CDH18: variants seen among roughly 807,000 people sequenced by gnomAD.
CDH18 encodes the protein cadherin-18.
In CDH18, 31 loss-of-function variants were observed where a neutral mutation model predicts 67.9. The observed-to-expected ratio is 0.46, with a 90% CI of 0.34 to 0.62. The LOEUF (loss-of-function observed/expected upper bound fraction) is 0.62. Ranked by LOEUF, CDH18 falls within the 20% of genes least tolerant of loss-of-function variation. The pLI, the probability that CDH18 is intolerant of heterozygous loss-of-function variation, is 0.01. For synonymous variants in CDH18, 362 were observed against 347.2 expected (o/e 1.04, Z -0.48); for missense variants, 890 against 975.5 (o/e 0.91, Z 1.17).
intron 1 of CDH18, among the ~76,000 whole-genome samples, chr5:20,358,267 C>T (rs2150067676): frequency 6.6e-6 from 1 of 152,206 alleles, no homozygotes; most frequent in East Asian, 1.9e-4. Flanking sequence ...AAAATATAAC[C>T]ATGTAACAAA....
intron 5 of CDH18, among the ~76,000 whole-genome samples, chr5:19,707,880 TC>T (rs1162964527): frequency 6.6e-6 from 1 of 152,208 alleles, no homozygotes; most frequent in Non-Finnish European, 1.5e-5. Flanking sequence ...TACTGAATAG[TC>T]CCCTAAGGGG....
chr5:19,483,002 T>C (rs1422803744), intron 12 of CDH18, among the ~76,000 whole-genome samples: 3 of 152,138 alleles, frequency 2.0e-5, no homozygotes, highest in Non-Finnish European at 4.4e-5. Flanking sequence ...GCCAAAAATT[T>C]TTAAAAGCTC....
intron 2 of CDH18, among the ~76,000 whole-genome samples, chr5:20,181,396 A>T (rs1361449251): frequency 6.6e-6 from 1 of 152,140 alleles, no homozygotes; most frequent in Non-Finnish European, 1.5e-5. Context: ...AGGAGGATGC[A>T]CTAATAGGCC....
At chr5:20,565,496 G>A (rs923610249) in intron 1 of CDH18, among the ~76,000 whole-genome samples, 3 of 152,034 alleles carry the variant, frequency 2.0e-5, no homozygotes. Flanking sequence ...ATTGATATCA[G>A]GAAGCCCATA....
intron 5 of CDH18, among the ~76,000 whole-genome samples, chr5:19,627,564 CTA>C (rs1242295690): frequency 1.3e-5 from 2 of 152,156 alleles, no homozygotes; most frequent in Non-Finnish European, 2.9e-5. Context: ...AATCAATTGA[CTA>C]TGTGGAATTT....
At chr5:20,544,751 CAG>C (rs1415165384) in intron 1 of CDH18, among the ~76,000 whole-genome samples, 1 of 152,172 alleles carries the variant, frequency 6.6e-6, no homozygotes, top group Non-Finnish European at 1.5e-5. Context: ...GGTGGGGACA[CAG>C]AGGCAAACCA....
chr5:19,656,086 T>C (rs1275814196), intron 5 of CDH18, among the ~76,000 whole-genome samples: 1 of 145,892 alleles, frequency 6.9e-6, no homozygotes. Flanking sequence ...TACTCAGGCA[T>C]AACCAACTTG....
intron 1 of CDH18, among the ~76,000 whole-genome samples, chr5:20,342,265 T>G (rs541834786): frequency 6.6e-6 from 1 of 152,228 alleles, no homozygotes; most frequent in South Asian, 2.1e-4. Context: ...CTGGGGACAC[T>G]AAGTTTGTAA....
At chr5:20,030,001 T>C (rs1377919171) in intron 2 of CDH18, among the ~76,000 whole-genome samples, 4 of 152,198 alleles carry the variant, frequency 2.6e-5, no homozygotes, top group African/African-American at 9.6e-5. Flanking sequence ...TTGTTTTCCA[T>C]GATGGCTGTT....
intron 5 of CDH18, among the ~76,000 whole-genome samples, chr5:19,679,183 C>G (rs182278548): frequency 6.6e-6 from 1 of 152,034 alleles, no homozygotes; most frequent in African/African-American, 2.4e-5. Flanking sequence ...ATCACATAAA[C>G]AGAACTAAAA....
intron 5 of CDH18, among the ~76,000 whole-genome samples, chr5:19,685,993 G>C (rs1330232896): frequency 6.6e-6 from 1 of 152,114 alleles, no homozygotes; most frequent in Non-Finnish European, 1.5e-5. Flanking sequence ...AGAAGAAAGT[G>C]GTTTGGTGAG....
intron 1 of CDH18, among the ~76,000 whole-genome samples, chr5:20,556,031 T>C (rs972537975): frequency 5.9e-5 from 9 of 152,228 alleles, no homozygotes; most frequent in African/African-American, 1.9e-4. Context: ...ATCTCTTTTG[T>C]TTCCTTTACA....
chr5:19,966,554 T>C lies in CDH18; in HGVS notation c.-257+14506A>G, dbSNP rs541674499. On this transcript the variant is annotated intron_variant, in intron 2 of 12. Transcript: ENST00000382275. ...TTAGCAAATCACCATATCAGTCACA[T>C]GGTATAAAGAAAGTAGCAAAATTGC... is the stretch of plus-strand genomic sequence containing the variant. Among the ~76,000 whole-genome samples, 4 of 152,212 alleles carry C rather than the reference T, an allele frequency of 2.6e-5. No homozygotes were observed. In the East Asian group the frequency reaches 5.8e-4, roughly 22 times the overall value.
chr5:20,487,682 T>C (rs981602164), intron 1 of CDH18, among the ~76,000 whole-genome samples: 10 of 151,498 alleles, frequency 6.6e-5, no homozygotes, highest in African/African-American at 2.4e-4. Flanking sequence ...ATCCTAAGGA[T>C]AATTTGAAAA....
At position 19,773,432 on chromosome 5, in the gene CDH18, G is replaced by A. The variant is rs189308576; in HGVS notation, c.229-26196C>T. 3.8e-3 allele frequency among the ~76,000 whole-genome samples: 583 copies of A among 152,286 alleles called. 6 individuals carry two copies. Among genetic ancestry groups the A allele is most frequent in the African/African-American group, 0.013 (559 of 41,554 alleles). ...AGAAAGGTAAAACAAATTGTAATTT[G>A]ACTTACAAGGGGCAAGCATGGAGAA... On this transcript the variant is annotated intron_variant, in intron 3 of 12. Transcript: ENST00000382275.
intron 1 of CDH18, among the ~76,000 whole-genome samples, chr5:20,514,834 T>G (rs2126498447): frequency 6.6e-6 from 1 of 152,278 alleles, no homozygotes; most frequent in Non-Finnish European, 1.5e-5. Context: ...CTTATTCATC[T>G]TATTCATCTC....
chr5:20,200,220 A>C (rs1250679604), intron 2 of CDH18, among the ~76,000 whole-genome samples: 2 of 152,210 alleles, frequency 1.3e-5, no homozygotes, highest in East Asian at 3.9e-4. Context: ...AAAGAGATGA[A>C]ATTTATCTTT....
chr5:20,135,868 G>A (rs1467678552), intron 2 of CDH18, among the ~76,000 whole-genome samples: 2 of 152,184 alleles, frequency 1.3e-5, no homozygotes, highest in African/African-American at 4.8e-5. Flanking sequence ...TCATTCAGGA[G>A]CAAGTTGTTC....
At chr5:19,646,639 C>T (rs1033911782) in intron 5 of CDH18, among the ~76,000 whole-genome samples, 9 of 152,108 alleles carry the variant, frequency 5.9e-5, no homozygotes, top group East Asian at 1.9e-4. Context: ...CCACGCCCGG[C>T]CTTAAATTAA....
Sources: allele counts gnomAD v4.1 joint callset (sites outside exome capture counted in the v4.1 genomes callset), GRCh38; gene constraint gnomAD v4.1.1; transcripts MANE v1.5; gene names NCBI Gene and HGNC (gene_info 2026-07-23, HGNC 2026-07-21).